The following PGBD1 variants were observed in gnomAD, a reference collection of about 807,000 sequenced individuals.
PGBD1 encodes piggyBac transposable element-derived protein 1.
Under a neutral mutation model 34.7 loss-of-function variants are expected in PGBD1, and 25 were observed. The ratio of observed to expected loss-of-function variants is 0.72; its 90% CI spans 0.52 to 1.00. PGBD1 has a LOEUF of 1.00. Among genes scored for constraint, PGBD1 ranks in the 50% least tolerant of loss-of-function variants. The pLI is 0.00. For synonymous variants in PGBD1, 292 were observed against 335.7 expected, an observed-to-expected ratio of 0.87 and a Z score of 1.42; for missense variants, 830 against 959.4, an observed-to-expected ratio of 0.87 and a Z score of 1.78.
chr6:28,295,923 ATCT>A (rs1417591478), intron 4 of PGBD1, among the ~76,000 whole-genome samples: 4 of 152,198 alleles, frequency 2.6e-5, no homozygotes, highest in Non-Finnish European at 5.9e-5. Context: ...AAGAGAAAAC[ATCT>A]TCTGTCTTGA....
intron 1 of PGBD1, among the ~76,000 whole-genome samples, chr6:28,283,152 T>A (rs542508862): frequency 6.6e-6 from 1 of 152,192 alleles, no homozygotes; most frequent in Non-Finnish European, 1.5e-5. Context: ...TCTGTATAGC[T>A]AGCTTGGGCT....
At chr6:28,285,843 A>T in intron 3 of PGBD1, 136 bp downstream of exon 3, 1 of 884,864 alleles carries the variant, frequency 1.1e-6, no homozygotes, top group East Asian at 2.8e-5. Context: ...GTTACCTTTT[A>T]TGTGTCTGTG....
intron 2 of PGBD1, 50 bp from the exon 3 acceptor site, chr6:28,285,501 C>T (rs1195212041): frequency 6.4e-7 from 1 of 1,559,502 alleles, no homozygotes; most frequent in Non-Finnish European, 8.7e-7. Flanking sequence ...AGGCTCTTAG[C>T]ATGCAGTCCA....
At chr6:28,297,065 T>C (rs1413993104) in intron 5 of PGBD1, 120 bp downstream of exon 5, 2 of 1,144,274 alleles carry the variant, frequency 1.7e-6, no homozygotes, top group Non-Finnish European at 2.4e-6. Context: ...TCCCTTCTTC[T>C]GGCCTCTGCC....
At position 28,285,549 on chromosome 6, in the gene PGBD1, A is replaced by C; in HGVS notation, c.397-2A>C. 6.2e-7 allele frequency: 1 copy of C among 1,613,284 alleles called. No individual in the cohort carries two copies. Among genetic ancestry groups the C allele is most frequent in the South Asian group, 1.1e-5 (1 of 91,018 alleles). On this transcript the variant is annotated splice_acceptor_variant, in intron 2 of 6. Coordinates refer to ENST00000682144, the MANE Select transcript of PGBD1 (RefSeq NM_032507.4). LOFTEE classifies it high-confidence loss of function. ...CTTTCAAAATAAATCTTTTGTTTCC[A>C]GGCCTCTGTCTATATTCAGGGACAG...
In PGBD1 at chr6:28,296,851, C is replaced by T. The variant is rs757231493; in HGVS notation, c.678C>T (p.Ala226=). 1.2e-5 allele frequency: 19 copies of T among 1,613,988 alleles called. No homozygotes were observed. The highest frequency in any genetic ancestry group is 4.0e-5 in the African/African-American group (3 of 74,898). ...LVKTEEETAQ[A]VAAEKWSHLS... is the part of the protein sequence containing the mutation. ...AGACTGAGGAAGAAACAGCCCAGGC[C>T]GTTGCTGCAGAGAAGTGGTCACATC... is the stretch of plus-strand genomic sequence containing the variant. Residue 226 remains alanine (A), a synonymous_variant, in exon 5 of 7, where the codon GCC becomes GCT. Coordinates refer to ENST00000682144, the MANE Select transcript of PGBD1 (RefSeq NM_032507.4).
intron 4 of PGBD1, among the ~76,000 whole-genome samples, chr6:28,291,535 C>T (rs1762450831): frequency 3.5e-5 from 5 of 144,654 alleles, no homozygotes; most frequent in South Asian, 2.2e-4. Flanking sequence ...TAATACCAAT[C>T]CTATTCAAAT....
intron 4 of PGBD1, among the ~76,000 whole-genome samples, chr6:28,294,273 C>T (rs1207277143): frequency 1.3e-5 from 2 of 152,136 alleles, no homozygotes; most frequent in African/African-American, 4.8e-5. Context: ...TAATCGGAAG[C>T]TAGCAGAGGT....
chr6:28,287,198 A>G, intron 4 of PGBD1, 30 bp downstream of exon 4: 1 of 1,534,258 alleles, frequency 6.5e-7, no homozygotes, highest in Non-Finnish European at 9.0e-7. Context: ...TTGTAGGAAT[A>G]TCAGTAGTGG....
At position 28,300,634 on chromosome 6, in the gene PGBD1, G is replaced by C; in HGVS notation, c.870-90G>C. 8.0e-6 allele frequency: 9 copies of C among 1,121,166 alleles called. No individual in the cohort carries two copies. The highest frequency in any genetic ancestry group is 5.0e-6 in the Non-Finnish European group (4 of 796,482). The allele number at this position is 1,121,166 out of a possible 1,614,324, so 69.5% of individuals were successfully genotyped here. A position where few individuals can be genotyped will look rare whatever the true frequency, so the allele number is the denominator to read the frequency against. ...AAGTATCCCCCCACACCCACCCCAA[G>C]CCCCAAAAGATTTAAGCTTCAGCAG... On this transcript the variant is annotated intron_variant, in intron 6 of 6. Coordinates refer to ENST00000682144, the MANE Select transcript of PGBD1 (RefSeq NM_032507.4). This position sits in a 1 kb window ranked among gnomAD's most constrained non-coding sequence, Gnocchi z 4.0.
chr6:28,284,763 A>C (rs1170455159), intron 2 of PGBD1, among the ~76,000 whole-genome samples: 3 of 152,168 alleles, frequency 2.0e-5, no homozygotes, highest in Non-Finnish European at 4.4e-5. Flanking sequence ...TCAAGTGATC[A>C]TGCTGCCTTG....
intron 4 of PGBD1, among the ~76,000 whole-genome samples, chr6:28,289,550 G>A (rs1276424240): frequency 6.6e-6 from 1 of 152,344 alleles, no homozygotes; most frequent in South Asian, 2.1e-4. Context: ...CTTTATTACT[G>A]TAATAGTGAC....
At chr6:28,298,076 C>G in intron 6 of PGBD1, 85 bp downstream of exon 6, 1 of 908,028 alleles carries the variant, frequency 1.1e-6, no homozygotes, top group South Asian at 1.5e-5. Flanking sequence ...GGTCAAAGGC[C>G]TGCTTCTCTG....
intron 4 of PGBD1, among the ~76,000 whole-genome samples, chr6:28,290,289 T>A (rs1360883846): frequency 6.6e-6 from 1 of 151,974 alleles, no homozygotes; most frequent in Non-Finnish European, 1.5e-5. Flanking sequence ...TAGACCTGGG[T>A]TTTTGCCATG....
chr6:28,285,740 G>C (rs1224544580), intron 3 of PGBD1, 33 bp downstream of exon 3: 1 of 1,597,092 alleles, frequency 6.3e-7, no homozygotes, highest in Non-Finnish European at 8.5e-7. Flanking sequence ...TGAGGACGCT[G>C]GGAGCTGGCC....
chr6:28,290,040 A>T (rs1034149623), intron 4 of PGBD1, among the ~76,000 whole-genome samples: 1 of 152,184 alleles, frequency 6.6e-6, no homozygotes, highest in Non-Finnish European at 1.5e-5. Flanking sequence ...TAAATTCACT[A>T]AAAATAGCAA....
chr6:28,283,536 T>C (rs1762190577), intron 1 of PGBD1, among the ~76,000 whole-genome samples: 1 of 152,228 alleles, frequency 6.6e-6, no homozygotes, highest in Non-Finnish European at 1.5e-5. Flanking sequence ...AGCTTTCTTA[T>C]TGCTAACACT....
chr6:28,283,212 A>G (rs575760168), intron 1 of PGBD1, among the ~76,000 whole-genome samples: 1 of 152,278 alleles, frequency 6.6e-6, no homozygotes, highest in Non-Finnish European at 1.5e-5. Flanking sequence ...CTACAGCAGC[A>G]CTCTCTCTTA....
Position 28,302,291 on chromosome 6 carries a change from T to C in PGBD1, c.*7T>C. On this transcript the variant is annotated 3_prime_UTR_variant, in exon 7 of 7. Coordinates refer to ENST00000682144, the MANE Select transcript of PGBD1 (RefSeq NM_032507.4). ...TGCTCATCTGTCAGATTAGGGTACA[T>C]AAAATGGACATAGTGCAGACATTAA... 1 of 1,603,480 alleles carries C rather than the reference T, an allele frequency of 6.2e-7. No individual in the cohort carries two copies. The highest frequency in any genetic ancestry group is 8.5e-7 in the Non-Finnish European group (1 of 1,173,156).
Sources: gnomAD v4.1 joint callset for allele counts (sites outside exome capture counted in the v4.1 genomes callset) on GRCh38, gnomAD v4.1.1 for gene constraint, Gnocchi (gnomAD v3.1) non-coding constraint, MANE v1.5 for transcripts, NCBI Gene and HGNC (gene_info 2026-07-23, HGNC 2026-07-21) for gene names.